Variants in PRDM10 observed in about 807,000 individuals in gnomAD.
PRDM10 encodes PR/SET domain 10, also known as PR domain zinc finger protein 10.
In PRDM10, 65 loss-of-function variants were observed where a neutral mutation model predicts 133.1. The observed-to-expected ratio is 0.49, with a 90% confidence interval of 0.40 to 0.60. The LOEUF (loss-of-function observed/expected upper bound fraction) is 0.60. Among genes scored for constraint, PRDM10 ranks in the 20% least tolerant of loss-of-function variants. PRDM10 has a pLI of 0.00. For synonymous variants in PRDM10, 582 were observed against 580.4 expected, an observed-to-expected ratio of 1.00 and a Z score of -0.04; for missense variants, 1,137 against 1,507.1, an observed-to-expected ratio of 0.75 and a Z score of 4.07.
chr11:129,943,478 C>T (rs1472266710), intron 6 of PRDM10, among the ~76,000 whole-genome samples: 1 of 152,184 alleles, frequency 6.6e-6, no homozygotes, highest in African/African-American at 2.4e-5. Context: ...ACTGTGACTG[C>T]ATTTGGAGAC....
At chr11:129,994,584 G>A (rs1204797641) in intron 1 of PRDM10, among the ~76,000 whole-genome samples, 1 of 151,980 alleles carries the variant, frequency 6.6e-6, no homozygotes, top group Non-Finnish European at 1.5e-5. Flanking sequence ...ACCAGCCTTG[G>A]CAACACAGTG....
chr11:129,910,500 C>A lies in PRDM10; in HGVS notation c.3139G>T (p.Ala1047Ser). ...CAATAGCCACGGAAGGAATTCCAAG[C>A]ACTGGGCAGGTACGTGTGCTGCACA... ...SSVQHTYLPS[A>S]WNSFRGYSSE... is the part of the protein sequence containing the mutation. Residue 1047 changes from alanine to serine, a missense_variant, in exon 19 of 21, where the codon GCT becomes TCT. By Grantham distance (99) the Ala-to-Ser change is moderately conservative. Coordinates refer to ENST00000360871, the MANE Select transcript of PRDM10 (RefSeq NM_199437.2). The A allele has an allele frequency of 6.2e-7, 1 of 1,614,130 alleles. No individual in the cohort carries two copies. The highest frequency in any genetic ancestry group is 8.5e-7 in the Non-Finnish European group (1 of 1,180,032).
chr11:129,988,618 G>C (rs974262841), intron 1 of PRDM10, among the ~76,000 whole-genome samples: 5 of 151,642 alleles, frequency 3.3e-5, no homozygotes, highest in African/African-American at 1.2e-4. Flanking sequence ...AAAAAGAGGA[G>C]ATGTTAAGTC....
At chr11:129,985,264 AGT>A (rs149995969) in intron 1 of PRDM10, among the ~76,000 whole-genome samples, 93 of 151,586 alleles carry the variant, frequency 6.1e-4, no homozygotes, top group Admixed American at 1.5e-3. Context: ...CAGCTAAGAA[AGT>A]GTGTGTGTGT....
intron 1 of PRDM10, among the ~76,000 whole-genome samples, chr11:129,969,191 G>A (rs1040074274): frequency 2.6e-5 from 4 of 152,156 alleles, no homozygotes; most frequent in African/African-American, 4.8e-5. Context: ...TTCTTTCAAC[G>A]AATATACACT....
rs1402124100 is a variant in PRDM10 at position 129,901,377 on chromosome 11, T to C, written c.*936A>G. ...TGTCAGCAAGAGTTAAATGTACACT[T>C]GGTAAGAACAAGGAATATATCCTTT... On this transcript the variant is annotated 3_prime_UTR_variant, in exon 21 of 21. Transcript: ENST00000360871. 2.6e-5 allele frequency: 4 copies of C among 152,664 alleles called. No individual in the cohort carries two copies. Among genetic ancestry groups the C allele is most frequent in the Non-Finnish European group, 5.9e-5 (4 of 68,048 alleles). The allele number at this position is 152,664 out of a possible 1,614,324, so 9.5% of individuals were successfully genotyped here.
At chr11:130,001,816 CCTGCCTCTGCG>C (rs1939401656) in intron 1 of PRDM10, among the ~76,000 whole-genome samples, 1 of 152,106 alleles carries the variant, frequency 6.6e-6, no homozygotes, top group Non-Finnish European at 1.5e-5. Flanking sequence ...CCGGCCTCGC[CCTGCCTCTGCG>C]CTGCACCCTG....
At chr11:129,985,780 CAAAAAAAAAAAAAA>C (rs1159728991) in intron 1 of PRDM10, among the ~76,000 whole-genome samples, 14 of 26,744 alleles carry the variant, frequency 5.2e-4, no homozygotes, top group African/African-American at 1.1e-3. Context: ...AAACCCTGTC[CAAAAAAAAAAAAAA>C]AAAAAAAAAA....
rs1036136623 is a variant in PRDM10, at chr11:129,969,731, C to T, written c.-118-8649G>A. 1.4e-4 allele frequency among the ~76,000 whole-genome samples: 22 copies of T among 152,178 alleles called. No individual in the cohort carries two copies. In the East Asian group the frequency reaches 3.7e-3, roughly 25 times the overall value. On this transcript the variant is annotated intron_variant, in intron 1 of 20. Transcript: ENST00000360871. ...CTGAGACACAAGAATCACTTGAACC[C>T]GGAAGGCAGAGGTTGCAGTGAGCTG... is the stretch of plus-strand genomic sequence containing the variant.
chr11:129,913,046 C>T (rs191941701), intron 17 of PRDM10, among the ~76,000 whole-genome samples: 8 of 130,534 alleles, frequency 6.1e-5, no homozygotes, highest in African/African-American at 1.3e-4. Flanking sequence ...GGCAACAGAG[C>T]GAGACTCCAT....
chr11:129,920,142 C>G (rs1029021139), intron 13 of PRDM10, among the ~76,000 whole-genome samples: 1 of 152,138 alleles, frequency 6.6e-6, no homozygotes, highest in Non-Finnish European at 1.5e-5. Context: ...CACTAGTTCC[C>G]GTCTATTCCC....
In PRDM10 at chr11:129,903,300, A is replaced by AAATAATAATAATAATAAT. The variant is rs55765531; in HGVS notation, c.3268-802_3268-785dup. Among the ~76,000 whole-genome samples, 444 of 138,000 alleles carry AAATAATAATAATAATAAT rather than the reference A, an allele frequency of 3.2e-3. 2 individuals carry two copies. The highest frequency in any genetic ancestry group is 7.5e-3 in the Middle Eastern group (2 of 268). The allele number at this position is 138,000 out of a possible 152,430, so 90.5% of individuals were successfully genotyped here. On this transcript the variant is annotated intron_variant, in intron 20 of 20. Coordinates refer to ENST00000360871, the MANE Select transcript of PRDM10 (RefSeq NM_199437.2). ...GCAACAAGAGCGAAACTCCGTCTCA[A>AAATAATAATAATAATAAT]AATAATAATAATAATAATAATAATA...
At chr11:129,910,778 A>C in intron 18 of PRDM10, 122 bp from the exon 19 acceptor site, 3 of 907,456 alleles carry the variant, frequency 3.3e-6, no homozygotes, top group Admixed American at 3.8e-5. Context: ...TATCGTTGCT[A>C]TTTTTTTTTT....
At chr11:129,968,946 T>G (rs535109876) in intron 1 of PRDM10, among the ~76,000 whole-genome samples, 21 of 152,310 alleles carry the variant, frequency 1.4e-4, no homozygotes, top group African/African-American at 4.1e-4. Flanking sequence ...CTGTGCTGCC[T>G]GGCAGTGGAA....
intron 20 of PRDM10, among the ~76,000 whole-genome samples, chr11:129,903,971 G>C (rs1210601522): frequency 2.0e-5 from 3 of 152,034 alleles, no homozygotes; most frequent in African/African-American, 7.2e-5. Context: ...GCCAGAAAAA[G>C]GTCAAAGTCA....
Position 129,957,903 on chromosome 11 carries a change from A to C in PRDM10, c.77T>G (p.Phe26Cys). 1 of 1,611,104 alleles carries C rather than the reference A, an allele frequency of 6.2e-7. No individual in the cohort carries two copies. The highest frequency in any genetic ancestry group is 8.5e-7 in the Non-Finnish European group (1 of 1,178,404). Residue 26 changes from phenylalanine (F) to cysteine (C), a missense_variant, in exon 3 of 21, where the codon TTT becomes TGT. Coordinates refer to ENST00000360871, the MANE Select transcript of PRDM10 (RefSeq NM_199437.2). ...AGCCACTGTTCCTGTGTCCGGAACA[A>C]AGTGCACCTGGCATAAACAGGAGAC... ...EHEQNAAQVH[F>C]VPDTGTVAQI...
intron 1 of PRDM10, among the ~76,000 whole-genome samples, chr11:129,983,124 G>A (rs537332858): frequency 2.6e-4 from 39 of 150,494 alleles, no homozygotes; most frequent in Non-Finnish European, 3.3e-4. Context: ...TTACAGGTGC[G>A]CACCACCACG....
In PRDM10 at chr11:129,910,475, C is replaced by G; in HGVS notation, c.3163+1G>C. ...ACACGGCATCGTCCCTTCTTACTTA[C>G]AATAGCCACGGAAGGAATTCCAAGC... On this transcript the variant is annotated splice_donor_variant, in intron 19 of 20. Coordinates refer to ENST00000360871, the MANE Select transcript of PRDM10 (RefSeq NM_199437.2). LOFTEE classifies it high-confidence loss of function. 2.5e-6 allele frequency: 4 copies of G among 1,614,010 alleles called. No individual in the cohort carries two copies. Among genetic ancestry groups the G allele is most frequent in the Non-Finnish European group, 3.4e-6 (4 of 1,180,022 alleles).
At chr11:129,996,921 T>C (rs894265861) in intron 1 of PRDM10, among the ~76,000 whole-genome samples, 1 of 152,106 alleles carries the variant, frequency 6.6e-6, no homozygotes, top group African/African-American at 2.4e-5. Flanking sequence ...ATTAAGAAAC[T>C]AGTTGAAAGA....
Sources: allele counts gnomAD v4.1 joint callset (sites outside exome capture counted in the v4.1 genomes callset), GRCh38; gene constraint gnomAD v4.1.1; transcripts MANE v1.5; gene names NCBI Gene and HGNC (gene_info 2026-07-23, HGNC 2026-07-21).